The following MRPL45 variants were observed in gnomAD, a reference collection of about 807,000 sequenced individuals.
MRPL45 encodes large ribosomal subunit protein mL45.
A neutral mutation model predicts 38.1 loss-of-function variants in MRPL45; 20 were observed. The ratio of observed to expected loss-of-function variants is 0.53; its 90% CI spans 0.37 to 0.76. The LOEUF is 0.76. Among genes scored for constraint, MRPL45 ranks in the 30% least tolerant of loss-of-function variants. MRPL45 has a pLI of 0.00. For synonymous variants in MRPL45, 105 were observed against 128.8 expected (o/e 0.82, Z 1.25); for missense variants, 337 against 395.6 (o/e 0.85, Z 1.26).
chr17:38,298,179 G>A (rs570130516), intron 1 of MRPL45, among the ~76,000 whole-genome samples: 113 of 152,332 alleles, frequency 7.4e-4, no homozygotes, highest in African/African-American at 2.6e-3. Flanking sequence ...GATCAACTCA[G>A]TATCCGTAGG....
chr17:38,297,296 A>G, intron 1 of MRPL45, 47 bp downstream of exon 1: 7 of 1,561,364 alleles, frequency 4.5e-6, no homozygotes, highest in Non-Finnish European at 6.2e-6. Flanking sequence ...ACAGGAGAGG[A>G]CAGAGTCGAG....
chr17:38,310,399 G>A (rs1230445559), intron 4 of MRPL45, among the ~76,000 whole-genome samples: 2 of 150,484 alleles, frequency 1.3e-5, no homozygotes, highest in African/African-American at 4.9e-5. Flanking sequence ...TGTGATCTCC[G>A]CTCACTGCAT....
chr17:38,313,307 A>ATATAT (rs1262395858), intron 4 of MRPL45, among the ~76,000 whole-genome samples: 1 of 18,986 alleles, frequency 5.3e-5, no homozygotes, highest in African/African-American at 2.3e-4. Flanking sequence ...TAAAAAAAAA[A>ATATAT]AAAAATATAT....
At chr17:38,322,443 G>C in intron 7 of MRPL45, 66 bp from the exon 8 acceptor site, 12 of 1,330,808 alleles carry the variant, frequency 9.0e-6, no homozygotes, top group Non-Finnish European at 1.3e-5. Context: ...TGGGAGCAAG[G>C]GATGAAGCTC....
intron 4 of MRPL45, among the ~76,000 whole-genome samples, chr17:38,313,341 TATATAC>T (rs2037140851): frequency 2.1e-4 from 4 of 19,166 alleles, no homozygotes; most frequent in African/African-American, 8.5e-4. Flanking sequence ...TACATATATA[TATATAC>T]GTATATATAT....
At chr17:38,317,532 T>TA (rs897516883) in intron 4 of MRPL45, among the ~76,000 whole-genome samples, 2 of 152,142 alleles carry the variant, frequency 1.3e-5, no homozygotes, top group African/African-American at 4.8e-5. Flanking sequence ...CTTGTATCTA[T>TA]AGGAGCTAGG....
At chr17:38,307,854 A>T (rs994921645) in intron 4 of MRPL45, among the ~76,000 whole-genome samples, 7 of 142,348 alleles carry the variant, frequency 4.9e-5, no homozygotes, top group African/African-American at 1.5e-4. Context: ...TTTAAAAAAA[A>T]TTTATTTATT....
intron 2 of MRPL45, 140 bp downstream of exon 2, chr17:38,298,766 C>T (rs1309851273): frequency 2.7e-6 from 3 of 1,099,826 alleles, no homozygotes; most frequent in Admixed American, 5.5e-5. Context: ...CTTATATACA[C>T]TATATATCAT....
rs1170117788 is a variant in MRPL45, at chr17:38,299,251, C to A, written c.245-100C>A. On this transcript the variant is annotated intron_variant, in intron 2 of 7. Transcript: ENST00000613675. Reference sequence around the variant, plus strand: ...CATGGAAGTCTGTTTCATTAGTCTACTTCATATCCACAATCCTTCCCAATT... The same window carrying A: ...CATGGAAGTCTGTTTCATTAGTCTAATTCATATCCACAATCCTTCCCAATT... 6.7e-6 allele frequency: 5 copies of A among 745,858 alleles called. No homozygotes were observed. The Admixed American group carries it at 1.7e-4, about 25-fold the overall frequency. The allele number at this position is 745,858 out of a possible 1,614,324, so 46.2% of individuals were successfully genotyped here.
chr17:38,312,517 T>G (rs2037122798), intron 4 of MRPL45, among the ~76,000 whole-genome samples: 1 of 152,150 alleles, frequency 6.6e-6, no homozygotes, highest in African/African-American at 2.4e-5. Flanking sequence ...GTGCTTTCAA[T>G]TCATTTGGGT....
At chr17:38,302,849 C>T (rs1164443807) in intron 3 of MRPL45, among the ~76,000 whole-genome samples, 12 of 149,152 alleles carry the variant, frequency 8.0e-5, no homozygotes, top group African/African-American at 2.5e-4. Flanking sequence ...CTCAGCCTCC[C>T]GAGTAGCTGA....
chr17:38,319,002 T>A (rs933730170), intron 5 of MRPL45, among the ~76,000 whole-genome samples: 19 of 53,290 alleles, frequency 3.6e-4, no homozygotes, highest in African/African-American at 3.1e-3. Context: ...TAATTTTTTA[T>A]TTATTTATTT....
intron 5 of MRPL45, among the ~76,000 whole-genome samples, chr17:38,319,589 C>T (rs2037210422): frequency 6.6e-6 from 1 of 152,064 alleles, no homozygotes; most frequent in African/African-American, 2.4e-5. Flanking sequence ...AGGGCCCTGG[C>T]AAATGAAAGA....
At chr17:38,304,971 C>T (rs961435041) in intron 3 of MRPL45, among the ~76,000 whole-genome samples, 7 of 151,358 alleles carry the variant, frequency 4.6e-5, no homozygotes, top group Admixed American at 1.3e-4. Context: ...CTCAGTCTCC[C>T]GAGTAGCTGG....
intron 4 of MRPL45, among the ~76,000 whole-genome samples, chr17:38,314,586 A>G (rs1455595117): frequency 1.3e-5 from 2 of 152,056 alleles, no homozygotes; most frequent in African/African-American, 2.4e-5. Context: ...TAAGATTTTT[A>G]TAGTTTTAGC....
At position 38,298,560 on chromosome 17, in the gene MRPL45, G is replaced by A; in HGVS notation, c.178G>A (p.Ala60Thr). The A allele has an allele frequency of 1.2e-6, 2 of 1,613,642 alleles. No individual in the cohort carries two copies. The highest frequency in any genetic ancestry group is 2.2e-5 in the East Asian group (1 of 44,848). Residue 60 changes from alanine (A) to threonine (T), a missense_variant, in exon 2 of 8, where the codon GCC (alanine) becomes ACC (threonine). Coordinates refer to ENST00000613675, the MANE Select transcript of MRPL45 (RefSeq NM_032351.6). ...FKTEKEFMQH[A>T]RKAGLVIPPE... ...AACAGAAAAGGAGTTTATGCAACAT[G>A]CCCGGAAAGCAGGATTGGTTATTCC... is the stretch of plus-strand genomic sequence containing the variant.
chr17:38,304,898 G>GGT (rs1192309679), intron 3 of MRPL45, among the ~76,000 whole-genome samples: 2 of 147,388 alleles, frequency 1.4e-5, no homozygotes, highest in Non-Finnish European at 3.0e-5. Flanking sequence ...CCAGGCTGGA[G>GGT]TGCAGTGGCA....
chr17:38,313,870 C>T (rs986681289), intron 4 of MRPL45, among the ~76,000 whole-genome samples: 4 of 151,720 alleles, frequency 2.6e-5, no homozygotes, highest in Non-Finnish European at 4.4e-5. Context: ...ACCATGTTGG[C>T]CAGGCTGGTC....
intron 3 of MRPL45, among the ~76,000 whole-genome samples, chr17:38,305,885 TACCTGC>T (rs2037048701): frequency 6.6e-6 from 1 of 151,594 alleles, no homozygotes; most frequent in African/African-American, 2.4e-5. Flanking sequence ...TCAAGTGATC[TACCTGC>T]CTCGGCCTCC....
Sources: allele counts gnomAD v4.1 joint callset (sites outside exome capture counted in the v4.1 genomes callset), GRCh38; gene constraint gnomAD v4.1.1; transcripts MANE v1.5; gene names NCBI Gene and HGNC (gene_info 2026-07-23, HGNC 2026-07-21).